The following ZNF423 variants were observed in gnomAD, a reference collection of about 807,000 sequenced individuals.
ZNF423 encodes Ebf-associated zinc finger protein.
Under a neutral mutation model 95.8 loss-of-function variants are expected in ZNF423, and 12 were observed. The ratio of observed to expected loss-of-function variants is 0.13; its 90% CI spans 0.08 to 0.20. The LOEUF is 0.20. ZNF423 is among the 10% of genes least tolerant of loss of function. ZNF423 has a pLI of 1.00. For synonymous variants in ZNF423, 749 were observed against 711.9 expected (o/e 1.05, Z -0.83); for missense variants, 1,316 against 1,737.1 (o/e 0.76, Z 4.31).
intron 5 of ZNF423, among the ~76,000 whole-genome samples, chr16:49,617,170 T>C (rs892702939): frequency 4.6e-5 from 7 of 152,058 alleles, no homozygotes; most frequent in Admixed American, 2.0e-4. Flanking sequence ...GCCATAACGA[T>C]TGGCTCATGG....
intron 5 of ZNF423, among the ~76,000 whole-genome samples, chr16:49,562,137 G>A (rs774766720): frequency 5.9e-5 from 9 of 152,106 alleles, no homozygotes; most frequent in African/African-American, 1.2e-4. Flanking sequence ...CCCAAATCAC[G>A]CAAATAAAAC....
intron 4 of ZNF423, among the ~76,000 whole-genome samples, chr16:49,631,207 T>G (rs926037751): frequency 6.6e-6 from 1 of 152,040 alleles, no homozygotes; most frequent in Non-Finnish European, 1.5e-5. Flanking sequence ...CCCACAGACA[T>G]GCATGCAGCT....
chr16:49,668,729 G>C (rs2030659518), intron 3 of ZNF423, among the ~76,000 whole-genome samples: 1 of 152,138 alleles, frequency 6.6e-6, no homozygotes, highest in African/African-American at 2.4e-5. Flanking sequence ...CAGCCTGCAG[G>C]CTCTCCCAGC....
intron 1 of ZNF423, among the ~76,000 whole-genome samples, chr16:49,790,127 A>C (rs2034388434): frequency 6.6e-6 from 1 of 152,206 alleles, no homozygotes; most frequent in Non-Finnish European, 1.5e-5. Context: ...TATGGGAGAA[A>C]CACTACACAG....
intron 6 of ZNF423, among the ~76,000 whole-genome samples, chr16:49,524,952 G>C (rs941090217): frequency 1.3e-5 from 2 of 152,338 alleles, no homozygotes; most frequent in Admixed American, 6.5e-5. Context: ...AGGTAGGCCA[G>C]GGAAGGGGGA....
chr16:49,515,484 G>A (rs958163626), intron 7 of ZNF423, among the ~76,000 whole-genome samples: 4 of 152,232 alleles, frequency 2.6e-5, no homozygotes. Context: ...CTTTATGTGT[G>A]GCTCTGCCAT....
chr16:49,622,781 T>C (rs943423113), intron 5 of ZNF423, among the ~76,000 whole-genome samples: 4 of 151,260 alleles, frequency 2.6e-5, no homozygotes, highest in Non-Finnish European at 4.4e-5. Context: ...AAGCCCCGGG[T>C]TCCTCATCTG....
chr16:49,527,418 T>C (rs986614404), intron 5 of ZNF423, among the ~76,000 whole-genome samples: 1 of 152,146 alleles, frequency 6.6e-6, no homozygotes, highest in Admixed American at 6.5e-5. Context: ...GAGACGTTCA[T>C]CATAATTAGA....
intron 5 of ZNF423, among the ~76,000 whole-genome samples, chr16:49,578,634 A>G (rs7198086): frequency 0.4 from 60,884 of 151,950 alleles, 12,493 homozygotes; most frequent in East Asian, 0.48. Context: ...GGGAGCTGGG[A>G]CCTTGTGGCT....
At chr16:49,713,945 A>G (rs2032624505) in intron 3 of ZNF423, among the ~76,000 whole-genome samples, 1 of 152,130 alleles carries the variant, frequency 6.6e-6, no homozygotes, top group Admixed American at 6.5e-5. Flanking sequence ...GTCAATGACC[A>G]GTGGCTTTCT....
intron 5 of ZNF423, among the ~76,000 whole-genome samples, chr16:49,529,827 C>A (rs1968773783): frequency 6.6e-6 from 1 of 152,014 alleles, no homozygotes; most frequent in Non-Finnish European, 1.5e-5. Flanking sequence ...GGGCATTGTT[C>A]TCGGGCTCTG....
intron 5 of ZNF423, among the ~76,000 whole-genome samples, chr16:49,589,403 G>A (rs966827513): frequency 2.0e-5 from 3 of 152,174 alleles, no homozygotes; most frequent in Non-Finnish European, 4.4e-5. Flanking sequence ...GACCTGATCT[G>A]GGTATCACTT....
upstream of ZNF423, among the ~76,000 whole-genome samples, chr16:49,859,249 C>A (rs2144152914): frequency 6.6e-6 from 1 of 152,176 alleles, no homozygotes; most frequent in South Asian, 2.1e-4. Context: ...CCGCAATAGC[C>A]CATCCTGACC....
intron 7 of ZNF423, chr16:49,518,370 G>T (rs541653852): frequency 2.3e-6 from 1 of 433,208 alleles, no homozygotes; most frequent in East Asian, 7.0e-5. Flanking sequence ...TCATAAAAAT[G>T]ACAACGGGAA....
chr16:49,580,351 G>A (rs535158656), intron 5 of ZNF423, among the ~76,000 whole-genome samples: 2 of 152,144 alleles, frequency 1.3e-5, no homozygotes, highest in South Asian at 2.1e-4. Context: ...CCAATAACAC[G>A]TCTCTTAGTT....
chr16:49,526,213 T>C (rs1046609695), intron 5 of ZNF423, among the ~76,000 whole-genome samples: 4 of 152,154 alleles, frequency 2.6e-5, no homozygotes, highest in African/African-American at 9.7e-5. Flanking sequence ...TGGAGGACTT[T>C]GGAATTTTAC....
At chr16:49,494,823 C>T (rs1012723750) in intron 7 of ZNF423, among the ~76,000 whole-genome samples, 6 of 152,204 alleles carry the variant, frequency 3.9e-5, no homozygotes, top group African/African-American at 4.8e-5. Context: ...CGTGGTCCGT[C>T]CCCCACAGCT....
At chr16:49,714,850 C>T (rs934269860) in intron 3 of ZNF423, among the ~76,000 whole-genome samples, 18 of 152,060 alleles carry the variant, frequency 1.2e-4, no homozygotes, top group African/African-American at 3.1e-4. Flanking sequence ...GGGTTTGTCC[C>T]GCGGCCCCTG....
In ZNF423 at chr16:49,589,897, G is replaced by A. The variant is rs868365794; in HGVS notation, c.3601+36273C>T. On this transcript the variant is annotated intron_variant, in intron 5 of 7. Transcript: ENST00000563137. ...AGAGGTAGGCTCCGCAGACCTTGGC[G>A]TCCGCCATTAGCGGCCTGGCGCAAA... Among the ~76,000 whole-genome samples the A allele has an allele frequency of 7.9e-5, 12 of 151,996 alleles. No individual in the cohort carries two copies. The South Asian group carries it at 1.9e-3, about 24-fold the overall frequency.
Sources: gnomAD v4.1 joint callset for allele counts (sites outside exome capture counted in the v4.1 genomes callset) on GRCh38, gnomAD v4.1.1 for gene constraint, MANE v1.5 for transcripts, NCBI Gene and HGNC (gene_info 2026-07-23, HGNC 2026-07-21) for gene names.